Variants in EBPL observed in about 807,000 individuals in gnomAD.
The protein encoded by EBPL is emopamil-binding protein-like.
A neutral mutation model predicts 19.0 loss-of-function variants in EBPL; 20 were observed. The observed-to-expected ratio is 1.05, with a 90% CI of 0.74 to 1.53. The LOEUF is 1.53. EBPL is among the 40% of genes most tolerant of loss of function. The probability of loss-of-function intolerance (pLI) is 0.00; values close to 1 mark genes in which losing one functional copy is unlikely to be tolerated. For synonymous variants in EBPL, 107 were observed against 117.0 expected (o/e 0.91, Z 0.55); for missense variants, 219 against 261.1 (o/e 0.84, Z 1.11).
At chr13:49,687,695 G>A (rs561601495) in intron 1 of EBPL, among the ~76,000 whole-genome samples, 3 of 152,290 alleles carry the variant, frequency 2.0e-5, no homozygotes, top group Admixed American at 1.3e-4. Context: ...AGATGGACGC[G>A]TAGTTCTGGA....
chr13:49,691,352 CCG>C lies in EBPL; in HGVS notation c.71_72del (p.Ala24GlyfsTer64). ...SLLLCAALLA[A>X]GCALGLRLGR... is the part of the protein sequence containing the mutation. Reference sequence around the variant, plus strand: ...CCCAGGCGCAGGCCCAGGGCGCAGCCCGCCGCCAGCAGCGCGGCGCACAGCAG... The same window carrying C: ...CCCAGGCGCAGGCCCAGGGCGCAGCCCCGCCAGCAGCGCGGCGCACAGCAG... On this transcript the variant is annotated frameshift_variant, in exon 1 of 4. Coordinates refer to ENST00000242827, the MANE Select transcript of EBPL (RefSeq NM_032565.5). LOFTEE classifies it high-confidence loss of function. 7.4e-7 allele frequency: 1 copy of C among 1,356,810 alleles called. No homozygotes were observed. 84.0% of individuals were successfully genotyped at this position (1,356,810 alleles called of 1,614,324 possible).
intron 1 of EBPL, among the ~76,000 whole-genome samples, chr13:49,690,291 C>G (rs1046479581): frequency 6.6e-6 from 1 of 151,400 alleles, no homozygotes; most frequent in Admixed American, 6.6e-5. Flanking sequence ...GTCATGGGCA[C>G]AAAGCCAACC....
chr13:49,691,274 C>G lies in EBPL; in HGVS notation c.151G>C (p.Ala51Pro). ...CTTACCAGCGCGAAGTGCACCAGCG[C>G]GTCGTAGCAGAGCCAGATGAGCGCC... ...RGALIWLCYD[A>P]LVHFALEGPF... The change falls in exon 1 of 4, where the codon GCG becomes CCG. Residue 51 changes from alanine (A) to proline (P), a missense_variant. Transcript: ENST00000242827. 3.6e-6 allele frequency: 5 copies of G among 1,404,270 alleles called. No homozygotes were observed. The highest frequency in any genetic ancestry group is 4.7e-6 in the Non-Finnish European group (5 of 1,073,652). The allele number at this position is 1,404,270 out of a possible 1,614,324, so 87.0% of individuals were successfully genotyped here.
At chr13:49,676,942 G>A (rs1387099598) in intron 1 of EBPL, among the ~76,000 whole-genome samples, 2 of 152,024 alleles carry the variant, frequency 1.3e-5, no homozygotes, top group Non-Finnish European at 1.5e-5. Flanking sequence ...AGATGACATG[G>A]GTCCAGAGGT....
intron 1 of EBPL, among the ~76,000 whole-genome samples, chr13:49,680,968 T>C (rs1431071502): frequency 2.0e-5 from 3 of 152,216 alleles, no homozygotes; most frequent in African/African-American, 7.2e-5. Flanking sequence ...ATGACCACTG[T>C]TAAGTTCCAT....
At position 49,669,611 on chromosome 13, in the gene EBPL, AC is replaced by A. The variant is rs751997469; in HGVS notation, c.241+165del. Among the ~76,000 whole-genome samples, 10 of 150,758 alleles carry A rather than the reference AC, an allele frequency of 6.6e-5. No homozygotes were observed. The Middle Eastern group carries it at 0.01, about 156-fold the overall frequency. On this transcript the variant is annotated intron_variant, in intron 2 of 3. Coordinates refer to ENST00000242827, the MANE Select transcript of EBPL (RefSeq NM_032565.5). Reference sequence around the variant, plus strand: ...ATTTCCCCCCAACACCCCCACCCCTACCCTCATTCCCACGCAACCAGTAATC... The same window carrying A: ...ATTTCCCCCCAACACCCCCACCCCTACCTCATTCCCACGCAACCAGTAATC...
rs369013877 is a variant in EBPL, at chr13:49,682,262, T to C, written c.171+8992A>G. Among the ~76,000 whole-genome samples, 4 of 152,354 alleles carry C rather than the reference T, an allele frequency of 2.6e-5. No individual in the cohort carries two copies. The East Asian group carries it at 7.7e-4, about 29-fold the overall frequency. On this transcript the variant is annotated intron_variant, in intron 1 of 3. Coordinates refer to ENST00000242827, the MANE Select transcript of EBPL (RefSeq NM_032565.5). ...TTCTATGGTTCCTACAACATGGCAG[T>C]ATACTGTTTGATTTAGGACTTGAAT...
chr13:49,685,860 G>C (rs1044549000), intron 1 of EBPL, among the ~76,000 whole-genome samples: 28 of 150,700 alleles, frequency 1.9e-4, no homozygotes, highest in African/African-American at 6.6e-4. Context: ...GCGAGAGAGA[G>C]AGAGAAAAAA....
chr13:49,691,459 T>A lies in EBPL; in HGVS notation c.-35A>T, dbSNP rs778325403. On this transcript the variant is annotated 5_prime_UTR_variant, in exon 1 of 4. It removes an upstream start codon present in the reference 5' UTR. Coordinates refer to ENST00000242827, the MANE Select transcript of EBPL (RefSeq NM_032565.5). ...TTCCGACGCCAACGGCCCAGGACCATGCGGCAGAGGAAAGCAGGGAGAGAA... is the reference window on the plus strand; with the variant it reads ...TTCCGACGCCAACGGCCCAGGACCAAGCGGCAGAGGAAAGCAGGGAGAGAA... 4.6e-6 allele frequency: 6 copies of A among 1,293,888 alleles called. No individual in the cohort carries two copies. The highest frequency in any genetic ancestry group is 3.0e-5 in the South Asian group (1 of 33,492). The allele number at this position is 1,293,888 out of a possible 1,614,324, so 80.2% of individuals were successfully genotyped here.
intron 1 of EBPL, among the ~76,000 whole-genome samples, chr13:49,690,327 T>C (rs1954047776): frequency 6.6e-6 from 1 of 151,838 alleles, no homozygotes; most frequent in African/African-American, 2.4e-5. Context: ...AACTCGATGA[T>C]TACCCAAAAC....
chr13:49,669,299 C>T (rs984699039), intron 2 of EBPL, among the ~76,000 whole-genome samples: 1 of 152,140 alleles, frequency 6.6e-6, no homozygotes, highest in Non-Finnish European at 1.5e-5. Flanking sequence ...CTCCTGGGCT[C>T]AAAAGATTCT....
Position 49,661,072 on chromosome 13 carries a change from T to C in EBPL, c.517A>G (p.Asn173Asp). The change falls in exon 4 of 4, where the codon AAC (asparagine) becomes GAC (aspartate). Residue 173 changes from asparagine to aspartate, a missense_variant. Coordinates refer to ENST00000242827, the MANE Select transcript of EBPL (RefSeq NM_032565.5). ...LYCWLYLFFF[N>D]GVWVLIPGLL... ...CCTGGGATCAGAACCCACACACCGTTAAAAAAAAACAGGTAAAGCCAACAG... is the reference window on the plus strand; with the variant it reads ...CCTGGGATCAGAACCCACACACCGTCAAAAAAAAACAGGTAAAGCCAACAG... The C allele has an allele frequency of 1.3e-6, 2 of 1,571,610 alleles. No homozygotes were observed. Among genetic ancestry groups the C allele is most frequent in the Non-Finnish European group, 1.7e-6 (2 of 1,152,504 alleles).
At chr13:49,663,007 GAC>G in intron 3 of EBPL, 48 bp downstream of exon 3, 1 of 1,607,558 alleles carries the variant, frequency 6.2e-7, no homozygotes, top group Non-Finnish European at 8.5e-7. Flanking sequence ...TAAGTGTTGG[GAC>G]ATGTAATGTC....
intron 1 of EBPL, among the ~76,000 whole-genome samples, chr13:49,679,002 C>T (rs1447387076): frequency 5.6e-4 from 2 of 3,574 alleles, no homozygotes; most frequent in African/African-American, 6.0e-3. Flanking sequence ...AGTGAGACTC[C>T]GTCTAAAAAA....
Position 49,691,256 on chromosome 13 carries a change from G to T in EBPL, c.169C>A (p.Leu57Met). 7.2e-7 allele frequency: 1 copy of T among 1,387,384 alleles called. No homozygotes were observed. The allele number at this position is 1,387,384 out of a possible 1,614,324, so 85.9% of individuals were successfully genotyped here. The change falls in exon 1 of 4, where the codon CTG (leucine) becomes ATG (methionine). Residue 57 changes from leucine to methionine, a missense_variant and splice_region_variant. Physicochemically the swap from Leu to Met is conservative, Grantham distance 15 (BLOSUM62 2). This residue lies in a region of EBPL where 170 missense variants were observed against 167.0 expected (regional missense o/e 1.02). Transcript: ENST00000242827. Reference sequence around the variant, plus strand: ...AGGGTCTAGGCGATGGCACTTACCAGCGCGAAGTGCACCAGCGCGTCGTAG... The same window carrying T: ...AGGGTCTAGGCGATGGCACTTACCATCGCGAAGTGCACCAGCGCGTCGTAG... ...LCYDALVHFA[L>M]EGPFVYLSLV...
intron 1 of EBPL, among the ~76,000 whole-genome samples, chr13:49,676,764 G>A (rs922406557): frequency 2.0e-5 from 3 of 152,166 alleles, no homozygotes; most frequent in Middle Eastern, 3.4e-3. Flanking sequence ...CCTTAAGGGC[G>A]GGGCAAGGTT....
intron 2 of EBPL, chr13:49,668,446 C>T (rs1433589379): frequency 4.3e-5 from 10 of 230,626 alleles, no homozygotes; most frequent in East Asian, 1.7e-4. Flanking sequence ...TGGTGGCGGG[C>T]GCCTGTAGTC....
At chr13:49,666,691 G>A (rs182337764) in intron 2 of EBPL, among the ~76,000 whole-genome samples, 8 of 116,038 alleles carry the variant, frequency 6.9e-5, no homozygotes, top group South Asian at 6.0e-4. Context: ...CAGCTTGGGC[G>A]AAAGAGTGAG....
At chr13:49,684,168 G>A (rs990555173) in intron 1 of EBPL, among the ~76,000 whole-genome samples, 2 of 152,102 alleles carry the variant, frequency 1.3e-5, no homozygotes, top group Non-Finnish European at 1.5e-5. Context: ...TGATGGAAAC[G>A]TTCTATACTA....
Sources: gnomAD v4.1 joint callset for allele counts (sites outside exome capture counted in the v4.1 genomes callset) on GRCh38, gnomAD v4.1.1 for gene constraint, gnomAD v4.1.1 regional missense constraint, MANE v1.5 for transcripts, NCBI Gene and HGNC (gene_info 2026-07-23, HGNC 2026-07-21) for gene names.